The following AP2A2 variants were observed in gnomAD, a reference collection of about 807,000 sequenced individuals.
AP2A2 encodes the protein adaptor related protein complex 2 subunit alpha 2.
In AP2A2, 32 loss-of-function variants were observed where a neutral mutation model predicts 104.2. That is an observed-to-expected ratio of 0.31 (90% CI 0.23 to 0.41). The LOEUF (loss-of-function observed/expected upper bound fraction) is 0.41. Ranked by LOEUF, AP2A2 falls within the 10% of genes least tolerant of loss-of-function variation. The pLI, the probability that AP2A2 is intolerant of heterozygous loss-of-function variation, is 1.00. For missense variants in AP2A2, 912 were observed against 1,261.0 expected (o/e 0.72, Z 4.19); for synonymous variants, 539 against 533.3 (o/e 1.01, Z -0.15).
intron 1 of AP2A2, among the ~76,000 whole-genome samples, chr11:943,545 G>C (rs7394941): frequency 0.46 from 70,462 of 152,056 alleles, 17,591 homozygotes; most frequent in Middle Eastern, 0.65. Context: ...CAGAAATTGG[G>C]AATAAGACAA....
chr11:927,940 G>T (rs538749194), intron 1 of AP2A2, among the ~76,000 whole-genome samples: 4 of 151,990 alleles, frequency 2.6e-5, no homozygotes, highest in African/African-American at 9.6e-5. Flanking sequence ...AACTAAGTGT[G>T]TGTATTATTT....
At chr11:979,435 C>T (rs1444658324) in intron 5 of AP2A2, among the ~76,000 whole-genome samples, 1 of 151,898 alleles carries the variant, frequency 6.6e-6, no homozygotes, top group African/African-American at 2.4e-5. Flanking sequence ...TTCACATTTT[C>T]CTTGGAAAGC....
At chr11:956,192 T>TTTTTTTC (rs1290470724) in intron 1 of AP2A2, among the ~76,000 whole-genome samples, 1 of 152,140 alleles carries the variant, frequency 6.6e-6, no homozygotes, top group Non-Finnish European at 1.5e-5. Flanking sequence ...CTTTTTTCTT[T>TTTTTTTC]TTTTTTCTTT....
At chr11:990,694 G>T (rs990736187) in intron 10 of AP2A2, among the ~76,000 whole-genome samples, 2 of 150,800 alleles carry the variant, frequency 1.3e-5, no homozygotes, top group African/African-American at 2.4e-5. Context: ...TTTCAGCTGG[G>T]CATGGTGCTC....
At chr11:939,656 G>A (rs930554086) in intron 1 of AP2A2, among the ~76,000 whole-genome samples, 20 of 152,140 alleles carry the variant, frequency 1.3e-4, no homozygotes, top group Admixed American at 3.3e-4. Flanking sequence ...TGTTGACCAG[G>A]CTGGTTTTGA....
chr11:1,003,580 G>A (rs1856099006), intron 15 of AP2A2, 142 bp from the exon 16 acceptor site: 1 of 549,890 alleles, frequency 1.8e-6, no homozygotes, highest in Non-Finnish European at 3.2e-6. Context: ...ATAGTCCTTG[G>A]AATAGTTTCC....
At chr11:996,823 G>A (rs1002067196) in intron 14 of AP2A2, among the ~76,000 whole-genome samples, 3 of 152,164 alleles carry the variant, frequency 2.0e-5, no homozygotes, top group Non-Finnish European at 2.9e-5. Context: ...GCCGAGGCAC[G>A]CAGCTCTGTT....
At position 984,658 on chromosome 11, in the gene AP2A2, C is replaced by A. The variant is rs758816378; in HGVS notation, c.719C>A (p.Ala240Glu). 2 of 1,612,524 alleles carry A rather than the reference C, an allele frequency of 1.2e-6. No individual in the cohort carries two copies. Among genetic ancestry groups the A allele is most frequent in the Non-Finnish European group, 1.7e-6 (2 of 1,178,742 alleles). ...VSRLSRIVTS[A>E]STDLQDYTYY... ...GCTGTCTTACAGATCGTGACGTCTG[C>A]ATCCACAGATCTCCAGGATTACACT... Residue 240 changes from alanine to glutamate, a missense_variant, in exon 7 of 22, where the codon GCA becomes GAA. Transcript: ENST00000448903.
chr11:948,070 A>C (rs976846697), intron 1 of AP2A2, among the ~76,000 whole-genome samples: 1 of 152,228 alleles, frequency 6.6e-6, no homozygotes, highest in Admixed American at 6.5e-5. Flanking sequence ...ACATTAAAAA[A>C]GATCTCAAAT....
At chr11:989,252 G>T (rs932592537) in intron 10 of AP2A2, among the ~76,000 whole-genome samples, 6 of 152,070 alleles carry the variant, frequency 3.9e-5, no homozygotes, top group African/African-American at 1.4e-4. Flanking sequence ...GCTTGAACCC[G>T]GGAGGCGGAG....
chr11:926,641 A>T (rs1356543391), intron 1 of AP2A2, among the ~76,000 whole-genome samples: 1 of 152,190 alleles, frequency 6.6e-6, no homozygotes, highest in Non-Finnish European at 1.5e-5. Flanking sequence ...TCTTCCCAGG[A>T]AACAGCTTTG....
At chr11:1,007,867 T>G in intron 17 of AP2A2, 145 bp from the exon 18 acceptor site, 1 of 1,120,508 alleles carries the variant, frequency 8.9e-7, no homozygotes. Context: ...CAGGGCCGGG[T>G]GGTGTGGCTG....
intron 1 of AP2A2, 118 bp downstream of exon 1, chr11:926,206 C>T: frequency 6.2e-6 from 4 of 644,114 alleles, no homozygotes; most frequent in Non-Finnish European, 8.3e-6. Context: ...GCGGGCGGGG[C>T]CCGGGGCCTG....
intron 4 of AP2A2, among the ~76,000 whole-genome samples, chr11:973,419 T>G (rs1854901744): frequency 6.6e-6 from 1 of 151,916 alleles, no homozygotes; most frequent in Non-Finnish European, 1.5e-5. Flanking sequence ...CTGTCAGCTG[T>G]GAGGCAAGGA....
At chr11:959,730 T>C (rs1009272485) in intron 2 of AP2A2, among the ~76,000 whole-genome samples, 3 of 152,212 alleles carry the variant, frequency 2.0e-5, no homozygotes, top group Admixed American at 6.5e-5. Context: ...GGAACAGCAC[T>C]GGTCTAGTGC....
chr11:967,127 A>G (rs1161810004), intron 2 of AP2A2, among the ~76,000 whole-genome samples: 2 of 152,042 alleles, frequency 1.3e-5, no homozygotes, highest in Non-Finnish European at 2.9e-5. Context: ...AGATTGCACC[A>G]CTGCACTCCA....
intron 5 of AP2A2, among the ~76,000 whole-genome samples, chr11:978,059 G>A (rs1855110525): frequency 6.6e-6 from 1 of 152,206 alleles, no homozygotes; most frequent in African/African-American, 2.4e-5. Flanking sequence ...AGCTGGGAAA[G>A]AGGAAATGCC....
At chr11:1,001,067 C>T (rs1730684848) in intron 15 of AP2A2, among the ~76,000 whole-genome samples, 2 of 152,254 alleles carry the variant, frequency 1.3e-5, no homozygotes, top group African/African-American at 4.8e-5. Flanking sequence ...CTAAGTCCTT[C>T]TGTGAGGCCC....
At chr11:975,412 G>T (rs1484246282) in intron 4 of AP2A2, among the ~76,000 whole-genome samples, 1 of 149,438 alleles carries the variant, frequency 6.7e-6, no homozygotes, top group Non-Finnish European at 1.5e-5. Context: ...TGGGGTCCTC[G>T]GTCTCCCTTG....
Sources: allele counts gnomAD v4.1 joint callset (sites outside exome capture counted in the v4.1 genomes callset), GRCh38; gene constraint gnomAD v4.1.1; transcripts MANE v1.5; gene names NCBI Gene and HGNC (gene_info 2026-07-23, HGNC 2026-07-21).